ZFHX3: variants seen among roughly 807,000 people sequenced by gnomAD.
ZFHX3 encodes zinc finger homeobox protein 3.
ZFHX3 carries 42 observed loss-of-function variants against 279.1 expected under a neutral mutation model. The observed-to-expected ratio is 0.15, with a 90% confidence interval of 0.12 to 0.19. The LOEUF is 0.19. ZFHX3 is among the 10% of genes least tolerant of loss of function. The pLI, the probability that ZFHX3 is intolerant of heterozygous loss-of-function variation, is 1.00. For missense variants in ZFHX3, 4,981 were observed against 4,754.0 expected, an observed-to-expected ratio of 1.05 and a Z score of -1.40; for synonymous variants, 2,293 against 1,957.8, an observed-to-expected ratio of 1.17 and a Z score of -4.52.
chr16:72,804,780 A>T (rs2036211627), intron 7 of ZFHX3, among the ~76,000 whole-genome samples: 1 of 152,094 alleles, frequency 6.6e-6, no homozygotes, highest in Admixed American at 6.5e-5. Context: ...CCTGCCACTT[A>T]CGCCAATCCC....
At chr16:73,709,602 A>G (rs777301735) in intron 1 of ZFHX3, among the ~76,000 whole-genome samples, 6 of 151,954 alleles carry the variant, frequency 3.9e-5, no homozygotes, top group Non-Finnish European at 8.8e-5. Context: ...TAGAGAGTAG[A>G]ATGGTGATTA....
chr16:73,531,358 C>G (rs2019798917), intron 2 of ZFHX3, among the ~76,000 whole-genome samples: 1 of 152,156 alleles, frequency 6.6e-6, no homozygotes, highest in South Asian at 2.1e-4. Context: ...TAATCCAGAA[C>G]TTACTTCTCT....
chr16:73,205,350 C>G (rs184521975), intron 5 of ZFHX3, among the ~76,000 whole-genome samples: 61 of 152,294 alleles, frequency 4.0e-4, no homozygotes, highest in African/African-American at 1.4e-3. Flanking sequence ...CTGGGGTCAT[C>G]ATAAATTTCT....
At chr16:73,534,490 G>A (rs1301413814) in intron 2 of ZFHX3, among the ~76,000 whole-genome samples, 2 of 152,112 alleles carry the variant, frequency 1.3e-5, no homozygotes, top group Admixed American at 1.3e-4. Context: ...ACTTTATGGT[G>A]TTTATCGTTT....
At chr16:73,544,408 C>G (rs1469845262) in intron 2 of ZFHX3, among the ~76,000 whole-genome samples, 1 of 152,154 alleles carries the variant, frequency 6.6e-6, no homozygotes, top group African/African-American at 2.4e-5. Context: ...TCAGGCCTGC[C>G]GGGTCCGGAA....
intron 3 of ZFHX3, among the ~76,000 whole-genome samples, chr16:72,910,019 C>CA (rs1472786823): frequency 6.6e-6 from 1 of 152,068 alleles, no homozygotes; most frequent in African/African-American, 2.4e-5. Flanking sequence ...AATTCAACTT[C>CA]ACTGCTTGTT....
intron 1 of ZFHX3, among the ~76,000 whole-genome samples, chr16:72,975,568 C>T (rs1325865033): frequency 1.3e-5 from 2 of 152,156 alleles, no homozygotes; most frequent in Non-Finnish European, 2.9e-5. Flanking sequence ...ATTACAAAGC[C>T]CATTATTTGC....
chr16:73,779,603 G>C (rs408248), intron 1 of ZFHX3, among the ~76,000 whole-genome samples: 1 of 152,144 alleles, frequency 6.6e-6, no homozygotes, highest in Non-Finnish European at 1.5e-5. Context: ...CTAGGACCAC[G>C]AATCATTCCA....
At chr16:73,209,985 A>G (rs1336865003) in intron 5 of ZFHX3, among the ~76,000 whole-genome samples, 1 of 152,140 alleles carries the variant, frequency 6.6e-6, no homozygotes, top group African/African-American at 2.4e-5. Context: ...GCATGCACAC[A>G]TATGTACACA....
intron 1 of ZFHX3, among the ~76,000 whole-genome samples, chr16:73,709,526 G>A (rs12149667): frequency 0.091 from 13,866 of 152,082 alleles, 804 homozygotes; most frequent in Non-Finnish European, 0.13. Context: ...AATAAGCCAG[G>A]CACAGAAACA....
At chr16:73,160,155 C>G (rs1291340397) in intron 5 of ZFHX3, among the ~76,000 whole-genome samples, 1 of 152,194 alleles carries the variant, frequency 6.6e-6, no homozygotes, top group Non-Finnish European at 1.5e-5. Context: ...TGCTCCCTTT[C>G]TGGGTAAGAG....
At chr16:73,594,823 T>C (rs916067881) in intron 2 of ZFHX3, among the ~76,000 whole-genome samples, 1 of 152,250 alleles carries the variant, frequency 6.6e-6, no homozygotes, top group African/African-American at 2.4e-5. Flanking sequence ...GAAATGTGCT[T>C]TTGTTTCCAA....
chr16:73,468,417 T>C (rs2018608869), intron 2 of ZFHX3, among the ~76,000 whole-genome samples: 1 of 152,196 alleles, frequency 6.6e-6, no homozygotes, highest in Non-Finnish European at 1.5e-5. Flanking sequence ...ATGTAGTCCT[T>C]ATTCTTTGCA....
chr16:72,883,455 T>TA lies in ZFHX3; in HGVS notation c.3448+6275dup, dbSNP rs2038546151. Among the ~76,000 whole-genome samples, 4 of 152,172 alleles carry TA rather than the reference T, an allele frequency of 2.6e-5. 1 individual carries two copies. Among genetic ancestry groups the TA allele is most frequent in the Admixed American group, 6.5e-5 (1 of 15,284 alleles). Reference sequence around the variant, plus strand: ...CCTTGCCACACATCTGACATTCTGTTAGAGTCCATATAAATACATCCCACC... The same window carrying TA: ...CCTTGCCACACATCTGACATTCTGTTAAGAGTCCATATAAATACATCCCACC... On this transcript the variant is annotated intron_variant, in intron 4 of 9. Coordinates refer to ENST00000268489, the MANE Select transcript of ZFHX3 (RefSeq NM_006885.4).
At chr16:73,353,647 TG>T (rs2016286910) in intron 3 of ZFHX3, among the ~76,000 whole-genome samples, 2 of 152,120 alleles carry the variant, frequency 1.3e-5, no homozygotes, top group African/African-American at 4.8e-5. Context: ...CCTGCCCCTC[TG>T]CAGAGAGGAA....
intron 1 of ZFHX3, among the ~76,000 whole-genome samples, chr16:73,786,573 C>G (rs1567410244): frequency 6.6e-6 from 1 of 152,098 alleles, no homozygotes; most frequent in Non-Finnish European, 1.5e-5. Context: ...AGGTGATAAG[C>G]CTGGACAACA....
At chr16:72,835,396 C>T (rs960071973) in intron 4 of ZFHX3, among the ~76,000 whole-genome samples, 7 of 151,674 alleles carry the variant, frequency 4.6e-5, no homozygotes, top group Admixed American at 1.3e-4. Context: ...ATTTTTCATT[C>T]GGCATTAAAA....
At chr16:73,214,375 A>G (rs559133949) in intron 5 of ZFHX3, among the ~76,000 whole-genome samples, 1 of 152,194 alleles carries the variant, frequency 6.6e-6, no homozygotes, top group South Asian at 2.1e-4. Flanking sequence ...CTACAGTGTG[A>G]CTGTGAATTT....
At chr16:73,079,014 A>G (rs16971560) in intron 8 of ZFHX3, among the ~76,000 whole-genome samples, 8,181 of 151,956 alleles carry the variant, frequency 0.054, 724 homozygotes, top group African/African-American at 0.18. Context: ...GGTGCCTTTT[A>G]CCACCTCCTC....
Sources: allele counts gnomAD v4.1 joint callset (sites outside exome capture counted in the v4.1 genomes callset), GRCh38; gene constraint gnomAD v4.1.1; transcripts MANE v1.5; gene names NCBI Gene and HGNC (gene_info 2026-07-23, HGNC 2026-07-21).